The following DIAPH2 variants were observed in gnomAD, a reference collection of about 807,000 sequenced individuals.
The protein encoded by DIAPH2 is protein diaphanous homolog 2.
Under a neutral mutation model 92.7 loss-of-function variants are expected in DIAPH2, and 35 were observed. The ratio of observed to expected loss-of-function variants is 0.38; its 90% confidence interval spans 0.29 to 0.50. The LOEUF (loss-of-function observed/expected upper bound fraction) is 0.50, where lower values mean the gene tolerates loss of function less well. Among genes scored for constraint, DIAPH2 ranks in the 20% least tolerant of loss-of-function variants. The pLI is 0.94. For missense variants in DIAPH2, 701 were observed against 819.5 expected, an observed-to-expected ratio of 0.86 and a Z score of 1.77; for synonymous variants, 301 against 280.4, an observed-to-expected ratio of 1.07 and a Z score of -0.73.
At chrX:97,425,855 A>G (rs915206983) in intron 25 of DIAPH2, among the ~76,000 whole-genome samples, 11 of 106,251 alleles carry the variant, frequency 1.0e-4, no homozygotes, top group Middle Eastern at 4.8e-3. Flanking sequence ...TATAATTTTT[A>G]CTTGTCAATT....
rs374918818 is a variant in DIAPH2, at chrX:97,593,373, A to G, written c.3242-5880A>G. On this transcript the variant is annotated intron_variant, in intron 26 of 26. Coordinates refer to ENST00000324765, the MANE Select transcript of DIAPH2 (RefSeq NM_006729.5). Reference sequence around the variant, plus strand: ...TGATTATTCAACAAATAGTGCAGGAACAGCCCATCTCCTCTTTGTAAGAAA... The same window carrying G: ...TGATTATTCAACAAATAGTGCAGGAGCAGCCCATCTCCTCTTTGTAAGAAA... Among the ~76,000 whole-genome samples the G allele has an allele frequency of 2.7e-5, 3 of 111,245 alleles. No individual in the cohort carries two copies. The South Asian group carries it at 1.1e-3, about 42-fold the overall frequency.
intron 1 of DIAPH2, among the ~76,000 whole-genome samples, chrX:96,717,025 G>T (rs1176522928): frequency 3.6e-5 from 4 of 111,106 alleles, no homozygotes; most frequent in Non-Finnish European, 5.7e-5. Context: ...CTTATATTTT[G>T]TGATTTTAAT....
At chrX:97,208,121 A>G (rs2067812393) in intron 22 of DIAPH2, among the ~76,000 whole-genome samples, 2 of 111,903 alleles carry the variant, frequency 1.8e-5, no homozygotes, top group Non-Finnish European at 3.8e-5. Context: ...TCAGTGACAT[A>G]GTGAGACTCT....
At chrX:97,047,668 A>G (rs1168787263) in intron 17 of DIAPH2, among the ~76,000 whole-genome samples, 1 of 102,974 alleles carries the variant, frequency 9.7e-6, no homozygotes, top group African/African-American at 3.6e-5. Context: ...AAGGCTCAAT[A>G]GGAGTCCTTG....
intron 4 of DIAPH2, among the ~76,000 whole-genome samples, chrX:96,830,018 A>AC (rs2064841388): frequency 9.0e-6 from 1 of 110,575 alleles, no homozygotes; most frequent in Non-Finnish European, 1.9e-5. Context: ...AAATATATAT[A>AC]TAAAAAAAGG....
chrX:96,965,957 C>G (rs943321942), intron 17 of DIAPH2, among the ~76,000 whole-genome samples: 2 of 111,255 alleles, frequency 1.8e-5, no homozygotes, highest in African/African-American at 6.5e-5. Context: ...TGAATGAGTC[C>G]TTGCAGTTGA....
intron 24 of DIAPH2, among the ~76,000 whole-genome samples, chrX:97,371,273 G>A (rs2069445678): frequency 9.0e-6 from 1 of 111,378 alleles, no homozygotes; most frequent in Admixed American, 9.6e-5. Context: ...TTTCTCAAGG[G>A]TCTCTTGGAT....
chrX:97,296,128 G>A (rs1392314995), intron 23 of DIAPH2, among the ~76,000 whole-genome samples: 1 of 111,402 alleles, frequency 9.0e-6, no homozygotes, highest in Non-Finnish European at 1.9e-5. Flanking sequence ...AACTATTGCA[G>A]TAGTAGTCTA....
chrX:97,545,137 C>A (rs1284327377), intron 26 of DIAPH2, among the ~76,000 whole-genome samples: 1 of 111,246 alleles, frequency 9.0e-6, no homozygotes, highest in Non-Finnish European at 1.9e-5. Flanking sequence ...ACCTTTCCTA[C>A]CTCTATGTCT....
chrX:96,937,538 A>AT (rs2065665590), intron 11 of DIAPH2, among the ~76,000 whole-genome samples, 187 bp downstream of exon 11: 1 of 111,679 alleles, frequency 9.0e-6, no homozygotes, highest in African/African-American at 3.3e-5. Context: ...TGTCTTGATG[A>AT]TTTACACAGA....
intron 21 of DIAPH2, among the ~76,000 whole-genome samples, chrX:97,124,454 T>C (rs982432550): frequency 1.8e-5 from 2 of 112,589 alleles, no homozygotes. Context: ...TTTGATTACA[T>C]CTGTTTAGAC....
chrX:96,686,464 T>C (rs73547711), intron 1 of DIAPH2, among the ~76,000 whole-genome samples: 2,400 of 111,338 alleles, frequency 0.022, 60 homozygotes, highest in African/African-American at 0.074. Context: ...TAGCCATTTG[T>C]CCTGATTCAT....
At chrX:97,064,933 T>C (rs919421083) in intron 17 of DIAPH2, among the ~76,000 whole-genome samples, 6 of 111,021 alleles carry the variant, frequency 5.4e-5, no homozygotes, top group African/African-American at 2.0e-4. Context: ...TCAGCAAGGT[T>C]AATGTACGTA....
intron 26 of DIAPH2, among the ~76,000 whole-genome samples, chrX:97,584,740 G>A (rs1254820222): frequency 4.4e-5 from 5 of 112,505 alleles, no homozygotes. Context: ...TGAAGAGAAG[G>A]CTAGGATTGG....
At chrX:97,346,317 C>G (rs923192177) in intron 23 of DIAPH2, among the ~76,000 whole-genome samples, 3 of 110,720 alleles carry the variant, frequency 2.7e-5, no homozygotes, top group Non-Finnish European at 5.7e-5. Context: ...AAAATTCTCT[C>G]TAGAGCTACA....
chrX:97,278,465 A>G (rs1359207055), intron 23 of DIAPH2, among the ~76,000 whole-genome samples: 3 of 111,127 alleles, frequency 2.7e-5, no homozygotes, highest in Admixed American at 1.9e-4. Flanking sequence ...AAAATCCCCT[A>G]TGCTCTACCT....
At chrX:97,462,454 G>A (rs773287551) in intron 26 of DIAPH2, among the ~76,000 whole-genome samples, 2 of 112,031 alleles carry the variant, frequency 1.8e-5, no homozygotes, top group African/African-American at 3.2e-5. Context: ...AAGCTTTGTC[G>A]AATTCTTTTT....
At chrX:96,854,201 C>T (rs1473465541) in intron 4 of DIAPH2, among the ~76,000 whole-genome samples, 7 of 110,304 alleles carry the variant, frequency 6.3e-5, no homozygotes, top group Non-Finnish European at 1.1e-4. Flanking sequence ...ATTTTAATAA[C>T]GTTGTACAAA....
intron 25 of DIAPH2, 53 bp downstream of exon 25, chrX:97,384,097 C>T: frequency 1.0e-6 from 1 of 987,818 alleles, no homozygotes; most frequent in Non-Finnish European, 1.4e-6. Context: ...AAAATAATTG[C>T]AGTTATTTAT....
Sources: allele counts gnomAD v4.1 joint callset (sites outside exome capture counted in the v4.1 genomes callset), GRCh38; gene constraint gnomAD v4.1.1; transcripts MANE v1.5; gene names NCBI Gene and HGNC (gene_info 2026-07-23, HGNC 2026-07-21).